The following PTPRT variants were observed in gnomAD, a reference collection of about 807,000 sequenced individuals.
The protein encoded by PTPRT is receptor-type tyrosine-protein phosphatase T.
In PTPRT, 56 loss-of-function variants were observed where a neutral mutation model predicts 176.8. The observed-to-expected ratio is 0.32, with a 90% CI of 0.26 to 0.40. PTPRT has a LOEUF of 0.40. PTPRT is among the 10% of genes least tolerant of loss of function. The probability of loss-of-function intolerance (pLI) is 1.00; values close to 1 mark genes in which losing one functional copy is unlikely to be tolerated. For missense variants in PTPRT, 1,540 were observed against 1,908.2 expected, an observed-to-expected ratio of 0.81 and a Z score of 3.60; for synonymous variants, 783 against 739.0, an observed-to-expected ratio of 1.06 and a Z score of -0.96.
chr20:42,569,997 C>A (rs2073126299), intron 7 of PTPRT, among the ~76,000 whole-genome samples: 1 of 152,078 alleles, frequency 6.6e-6, no homozygotes, highest in African/African-American at 2.4e-5. Flanking sequence ...AGTAACTTGC[C>A]CAACATTTTA....
At chr20:43,166,280 T>C (rs1289172413) in intron 1 of PTPRT, among the ~76,000 whole-genome samples, 2 of 151,878 alleles carry the variant, frequency 1.3e-5, no homozygotes, top group African/African-American at 4.8e-5. Flanking sequence ...TGAGTCGAGA[T>C]TGTGCCACTG....
rs138154494 is a variant in PTPRT, at chr20:42,534,007, T to C, written c.1154-61445A>G. ...TCTCTGTCCAGATGGACAGTTTCCA[T>C]AGAGATCCATGTGAACACTGAAGGA... On this transcript the variant is annotated intron_variant, in intron 7 of 30. Transcript: ENST00000373187. Among the ~76,000 whole-genome samples the C allele has an allele frequency of 1.6e-3, 243 of 152,232 alleles. 1 individual carries two copies. The highest frequency in any genetic ancestry group is 3.1e-3 in the Admixed American group (48 of 15,306).
At chr20:43,066,936 C>T (rs2011117491) in intron 1 of PTPRT, among the ~76,000 whole-genome samples, 1 of 152,188 alleles carries the variant, frequency 6.6e-6, no homozygotes, top group Non-Finnish European at 1.5e-5. Context: ...GACAGAGACC[C>T]TGTGGCCCAC....
At chr20:42,097,446 T>G (rs1010247164) in intron 27 of PTPRT, among the ~76,000 whole-genome samples, 1 of 152,238 alleles carries the variant, frequency 6.6e-6, no homozygotes, top group African/African-American at 2.4e-5. Flanking sequence ...CTCCTCTGCC[T>G]TCTTCAAGGC....
intron 7 of PTPRT, among the ~76,000 whole-genome samples, chr20:42,589,536 A>G: frequency 6.6e-6 from 1 of 152,174 alleles, no homozygotes; most frequent in East Asian, 1.9e-4. Flanking sequence ...GAAAGTAGAG[A>G]AGGAAAAACA....
At chr20:42,122,555 C>T (rs1196960499) in intron 19 of PTPRT, among the ~76,000 whole-genome samples, 2 of 152,102 alleles carry the variant, frequency 1.3e-5, no homozygotes, top group African/African-American at 4.8e-5. Flanking sequence ...GAAAATAGTC[C>T]CCTAGATCCT....
chr20:42,843,955 C>T (rs984745492), intron 2 of PTPRT, among the ~76,000 whole-genome samples: 4 of 152,098 alleles, frequency 2.6e-5, no homozygotes, highest in African/African-American at 9.7e-5. Context: ...GCCAAGAAAA[C>T]TGAAAGATCA....
chr20:42,703,186 G>A (rs2075999773), intron 6 of PTPRT, among the ~76,000 whole-genome samples: 1 of 152,072 alleles, frequency 6.6e-6, no homozygotes, highest in South Asian at 2.1e-4. Context: ...TGGGGCCAGA[G>A]AATAAGAATG....
chr20:43,053,098 G>A (rs576755973), intron 1 of PTPRT, among the ~76,000 whole-genome samples: 1 of 152,068 alleles, frequency 6.6e-6, no homozygotes, highest in South Asian at 2.1e-4. Flanking sequence ...GCTACAACAC[G>A]GGTGAGCCTT....
intron 1 of PTPRT, among the ~76,000 whole-genome samples, chr20:42,964,903 T>C (rs554522458): frequency 2.0e-5 from 3 of 152,342 alleles, no homozygotes; most frequent in African/African-American, 4.8e-5. Context: ...CATATATCAA[T>C]AGATGCCAAA....
intron 1 of PTPRT, among the ~76,000 whole-genome samples, chr20:42,944,081 C>T (rs1018580963): frequency 6.6e-6 from 1 of 151,984 alleles, no homozygotes; most frequent in Non-Finnish European, 1.5e-5. Context: ...AAATTAAGCC[C>T]CCACTGCCCA....
At chr20:42,186,761 A>G (rs1990799617) in intron 16 of PTPRT, among the ~76,000 whole-genome samples, 1 of 152,124 alleles carries the variant, frequency 6.6e-6, no homozygotes, top group African/African-American at 2.4e-5. Flanking sequence ...ACGGATGGAT[A>G]TGAGGATTAT....
intron 1 of PTPRT, among the ~76,000 whole-genome samples, chr20:43,064,597 C>A (rs1302717999): frequency 6.6e-6 from 1 of 152,220 alleles, no homozygotes; most frequent in African/African-American, 2.4e-5. Flanking sequence ...GCTTCAGTCA[C>A]AGCTGCTTCA....
At chr20:42,987,017 C>T (rs548526063) in intron 1 of PTPRT, among the ~76,000 whole-genome samples, 10 of 152,300 alleles carry the variant, frequency 6.6e-5, no homozygotes, top group South Asian at 2.1e-4. Flanking sequence ...GGTTCCAATC[C>T]TCATATGGTA....
intron 16 of PTPRT, among the ~76,000 whole-genome samples, chr20:42,180,973 C>A (rs562187172): frequency 2.0e-5 from 3 of 152,314 alleles, no homozygotes; most frequent in Non-Finnish European, 2.9e-5. Flanking sequence ...TCAATCTCCA[C>A]ATGTGTGAAA....
At chr20:42,715,760 A>T (rs1488796436) in intron 6 of PTPRT, among the ~76,000 whole-genome samples, 1 of 152,246 alleles carries the variant, frequency 6.6e-6, no homozygotes, top group African/African-American at 2.4e-5. Flanking sequence ...GGTTCCAATT[A>T]AGTGGTAGAT....
At chr20:43,094,628 C>A (rs2012050279) in intron 1 of PTPRT, among the ~76,000 whole-genome samples, 1 of 150,792 alleles carries the variant, frequency 6.6e-6, no homozygotes, top group East Asian at 2.0e-4. Flanking sequence ...AAACTCCCAA[C>A]CTCAAGTATC....
At chr20:42,808,392 A>G (rs912264388) in intron 2 of PTPRT, among the ~76,000 whole-genome samples, 1 of 152,166 alleles carries the variant, frequency 6.6e-6, no homozygotes, top group Non-Finnish European at 1.5e-5. Context: ...AAAAACACAC[A>G]GGAATATTCC....
intron 7 of PTPRT, among the ~76,000 whole-genome samples, chr20:42,621,891 A>AGGCTGAGCGATG (rs2074203667): frequency 6.6e-6 from 1 of 151,830 alleles, no homozygotes; most frequent in African/African-American, 2.4e-5. Context: ...TAATAGCAGT[A>AGGCTGAGCGATG]GGCTGAGTGA....
Sources: gnomAD v4.1 joint callset for allele counts (sites outside exome capture counted in the v4.1 genomes callset) on GRCh38, gnomAD v4.1.1 for gene constraint, MANE v1.5 for transcripts, NCBI Gene and HGNC (gene_info 2026-07-23, HGNC 2026-07-21) for gene names.